Variants in FRMD4B observed in about 807,000 individuals in gnomAD.
FRMD4B encodes FERM domain containing 4B, also known as FERM domain-containing protein 4B.
FRMD4B carries 74 observed loss-of-function variants against 141.5 expected under a neutral mutation model. The observed-to-expected ratio is 0.52, with a 90% CI of 0.43 to 0.63. The LOEUF (loss-of-function observed/expected upper bound fraction) is 0.63, where lower values mean the gene tolerates loss of function less well. Among genes scored for constraint, FRMD4B ranks in the 30% least tolerant of loss-of-function variants. The pLI is 0.00. For missense variants in FRMD4B, 1,366 were observed against 1,253.4 expected (o/e 1.09, Z -1.36); for synonymous variants, 506 against 467.9 (o/e 1.08, Z -1.05).
chr3:69,270,950 T>C (rs2019265), intron 5 of FRMD4B, among the ~76,000 whole-genome samples: 27,177 of 152,246 alleles, frequency 0.18, 2,867 homozygotes, highest in East Asian at 0.35. Flanking sequence ...TGAAACATTT[T>C]CATTCACTGG....
chr3:69,252,887 A>G (rs1164121797), intron 5 of FRMD4B, among the ~76,000 whole-genome samples: 2 of 152,172 alleles, frequency 1.3e-5, no homozygotes, highest in Admixed American at 6.5e-5. Context: ...GGATAAAAAA[A>G]GAGAACCAGA....
intron 1 of FRMD4B, among the ~76,000 whole-genome samples, chr3:69,481,223 T>G (rs535639151): frequency 6.6e-6 from 1 of 151,966 alleles, no homozygotes; most frequent in Non-Finnish European, 1.5e-5. Context: ...CCCACTGTCC[T>G]GCGCCCACTG....
chr3:69,185,458 G>C (rs1489596469), intron 19 of FRMD4B, among the ~76,000 whole-genome samples: 1 of 151,308 alleles, frequency 6.6e-6, no homozygotes. Context: ...TATATTTTTG[G>C]CCCTTGTAGA....
At chr3:69,541,038 G>A (rs62252579) in intron 1 of FRMD4B, 45,486 of 151,968 alleles carry the variant, frequency 0.3, 7,082 homozygotes, top group African/African-American at 0.35. Context: ...CTAGACATTT[G>A]ATTTGGAAAC....
chr3:69,194,169 A>G (rs1045510555), intron 16 of FRMD4B, among the ~76,000 whole-genome samples: 8 of 152,248 alleles, frequency 5.3e-5, no homozygotes, highest in African/African-American at 1.7e-4. Context: ...CTCAAAGCTC[A>G]TGGATGCAGA....
chr3:69,486,560 G>A (rs1215404764), intron 1 of FRMD4B, among the ~76,000 whole-genome samples: 1 of 152,144 alleles, frequency 6.6e-6, no homozygotes, highest in East Asian at 1.9e-4. Context: ...ATTAAGTGTT[G>A]GGAATTGAAC....
At chr3:69,503,147 G>A (rs1461848776) in intron 1 of FRMD4B, among the ~76,000 whole-genome samples, 5 of 152,064 alleles carry the variant, frequency 3.3e-5, no homozygotes, top group African/African-American at 7.2e-5. Flanking sequence ...AGGATCTAGA[G>A]CTAGAAATAC....
intron 1 of FRMD4B, among the ~76,000 whole-genome samples, chr3:69,370,112 GTTTT>G (rs199752409): frequency 7.0e-6 from 1 of 143,368 alleles, no homozygotes; most frequent in African/African-American, 2.5e-5. Flanking sequence ...TTTTGTTCCT[GTTTT>G]TTTTTTTTTC....
chr3:69,265,005 C>T (rs1407628049), intron 5 of FRMD4B, among the ~76,000 whole-genome samples: 2 of 151,842 alleles, frequency 1.3e-5, no homozygotes, highest in African/African-American at 2.4e-5. Context: ...CCTGTAATCC[C>T]AACACTTTGG....
At chr3:69,317,076 G>T (rs1303643719) in intron 1 of FRMD4B, among the ~76,000 whole-genome samples, 1 of 130,248 alleles carries the variant, frequency 7.7e-6, no homozygotes, top group Non-Finnish European at 1.6e-5. Context: ...GCGAAACTCC[G>T]CCTCAAAAAA....
At chr3:69,175,803 T>C (rs4389486) in intron 22 of FRMD4B, among the ~76,000 whole-genome samples, 125,612 of 140,508 alleles carry the variant, frequency 0.89, 57,485 homozygotes, top group Non-Finnish European at 0.99. Flanking sequence ...GAGACGGAGA[T>C]GGAGTCTCGC....
intron 1 of FRMD4B, among the ~76,000 whole-genome samples, chr3:69,342,975 G>T (rs1702787899): frequency 6.6e-6 from 1 of 151,982 alleles, no homozygotes; most frequent in South Asian, 2.1e-4. Flanking sequence ...TTAGAGACAG[G>T]GTCTCGCTCT....
chr3:69,225,082 A>G (rs1444199784), intron 7 of FRMD4B, among the ~76,000 whole-genome samples: 1 of 152,200 alleles, frequency 6.6e-6, no homozygotes, highest in Non-Finnish European at 1.5e-5. Context: ...CCATTCACAT[A>G]ACATCAACAA....
chr3:69,415,451 C>A (rs1357511290), intron 2 of FRMD4B, among the ~76,000 whole-genome samples: 1 of 152,040 alleles, frequency 6.6e-6, no homozygotes, highest in African/African-American at 2.4e-5. Flanking sequence ...TGCCCCTTGT[C>A]CTACGCCCCC....
chr3:69,481,311 C>T (rs1251869442), intron 1 of FRMD4B, among the ~76,000 whole-genome samples: 1 of 152,164 alleles, frequency 6.6e-6, no homozygotes, highest in African/African-American at 2.4e-5. Context: ...GTCGCTCACG[C>T]TGGGAGCTGT....
chr3:69,365,562 T>C (rs1703615769), intron 1 of FRMD4B, among the ~76,000 whole-genome samples: 1 of 150,166 alleles, frequency 6.7e-6, no homozygotes, highest in Non-Finnish European at 1.5e-5. Context: ...TGGGGTGCAG[T>C]GAAGCAATCT....
intron 1 of FRMD4B, among the ~76,000 whole-genome samples, chr3:69,475,055 G>C (rs1259374201): frequency 1.3e-5 from 2 of 152,166 alleles, no homozygotes; most frequent in Non-Finnish European, 2.9e-5. Context: ...GACCTCGGGT[G>C]TGTGCCCTTA....
At chr3:69,495,233 T>C (rs964857016) in intron 1 of FRMD4B, among the ~76,000 whole-genome samples, 3 of 152,136 alleles carry the variant, frequency 2.0e-5, no homozygotes, top group Non-Finnish European at 4.4e-5. Flanking sequence ...AGACAAGAAC[T>C]CCCAATCCTG....
rs772194172 is a variant in FRMD4B at position 69,196,399 on chromosome 3, A to G, written c.1093-3T>C. Reference sequence around the variant, plus strand: ...CTCCTGGCTGAAGGAATTTTTGCCTAAGAGGCATACAACAATGAAACAGAA... The same window carrying G: ...CTCCTGGCTGAAGGAATTTTTGCCTGAGAGGCATACAACAATGAAACAGAA... On this transcript the variant is annotated splice_region_variant and splice_polypyrimidine_tract_variant and intron_variant, in intron 13 of 22. Transcript: ENST00000398540. The G allele has an allele frequency of 4.4e-6, 7 of 1,604,630 alleles. No individual in the cohort carries two copies. The Admixed American group carries it at 1.2e-4, about 28-fold the overall frequency.
Sources: allele counts gnomAD v4.1 joint callset (sites outside exome capture counted in the v4.1 genomes callset), GRCh38; gene constraint gnomAD v4.1.1; transcripts MANE v1.5; gene names NCBI Gene and HGNC (gene_info 2026-07-23, HGNC 2026-07-21).